ACOXL: variants seen among roughly 807,000 people sequenced by gnomAD.
ACOXL encodes acyl-CoA oxidase like, also known as acyl-coenzyme A oxidase-like protein.
Under a neutral mutation model 71.9 loss-of-function variants are expected in ACOXL, and 70 were observed. That is an observed-to-expected ratio of 0.97 (90% CI 0.80 to 1.19). The LOEUF (loss-of-function observed/expected upper bound fraction) is 1.19. Among genes scored for constraint, ACOXL ranks in the 50% most tolerant of loss-of-function variants. The pLI, the probability that ACOXL is intolerant of heterozygous loss-of-function variation, is 0.00. For synonymous variants in ACOXL, 253 were observed against 281.6 expected (o/e 0.90, Z 1.02); for missense variants, 703 against 736.3 (o/e 0.95, Z 0.52).
chr2:110,963,003 A>G (rs2061762611), intron 12 of ACOXL, among the ~76,000 whole-genome samples: 1 of 152,244 alleles, frequency 6.6e-6, no homozygotes, highest in African/African-American at 2.4e-5. Context: ...ACTTGGGGCC[A>G]AACTTACTTT....
At chr2:111,078,575 T>C (rs2067728253) in intron 16 of ACOXL, among the ~76,000 whole-genome samples, 1 of 152,234 alleles carries the variant, frequency 6.6e-6, no homozygotes. Context: ...GTATTTTCTA[T>C]TTCTTTACTG....
At chr2:110,760,084 G>T (rs2104895898) in intron 1 of ACOXL, among the ~76,000 whole-genome samples, 1 of 150,740 alleles carries the variant, frequency 6.6e-6, no homozygotes, top group African/African-American at 2.4e-5. Flanking sequence ...GTTGTTAGTT[G>T]ATTGTCTTGG....
chr2:110,921,623 G>A (rs1404903387), intron 11 of ACOXL, among the ~76,000 whole-genome samples: 1 of 151,848 alleles, frequency 6.6e-6, no homozygotes, highest in Non-Finnish European at 1.5e-5. Context: ...TCAATCTCCT[G>A]ACCTCGTGAT....
At chr2:111,018,587 T>C (rs1328413512) in intron 14 of ACOXL, among the ~76,000 whole-genome samples, 1 of 152,014 alleles carries the variant, frequency 6.6e-6, no homozygotes, top group Non-Finnish European at 1.5e-5. Flanking sequence ...CCTGATCACA[T>C]GGGAGTTCTA....
Position 110,801,696 on chromosome 2 carries a change from C to T in ACOXL, c.592C>T (p.Arg198Trp), listed in dbSNP as rs999935777. The T allele has an allele frequency of 6.2e-6, 10 of 1,613,972 alleles. No homozygotes were observed. The highest frequency in any genetic ancestry group is 5.3e-5 in the African/African-American group (4 of 74,906). ...TGGGATATTAATATTTGACAAGGTT[C>T]GGATACCCAGGGAGAACCTGCTGGA... ...DNGILIFDKV[R>W]IPRENLLDKF... The change falls in exon 8 of 18, where the codon CGG becomes TGG. Residue 198 changes from arginine (R) to tryptophan (W), a missense_variant. Transcript: ENST00000439055.
chr2:110,789,173 G>A (rs1230892358), intron 3 of ACOXL, among the ~76,000 whole-genome samples: 1 of 152,098 alleles, frequency 6.6e-6, no homozygotes, highest in East Asian at 1.9e-4. Context: ...GACAGGGGTG[G>A]GCATATTAGC....
chr2:111,089,661 T>C (rs1291008396), intron 16 of ACOXL, among the ~76,000 whole-genome samples: 1 of 152,146 alleles, frequency 6.6e-6, no homozygotes, highest in Non-Finnish European at 1.5e-5. Flanking sequence ...TTGAAAATAG[T>C]TTATGGGGGG....
chr2:111,086,497 G>A (rs1326364070), intron 16 of ACOXL, among the ~76,000 whole-genome samples: 7 of 151,878 alleles, frequency 4.6e-5, no homozygotes, highest in South Asian at 4.2e-4. Context: ...GATGAAATTC[G>A]ATAGATAGAT....
intron 11 of ACOXL, among the ~76,000 whole-genome samples, chr2:110,921,090 A>T (rs2060049540): frequency 6.6e-6 from 1 of 152,036 alleles, no homozygotes; most frequent in Non-Finnish European, 1.5e-5. Flanking sequence ...ATTTATGGCG[A>T]TAGTGTTGGT....
chr2:111,045,738 T>C (rs1487263171), intron 15 of ACOXL, among the ~76,000 whole-genome samples: 1 of 152,116 alleles, frequency 6.6e-6, no homozygotes, highest in Non-Finnish European at 1.5e-5. Flanking sequence ...CACTGACATC[T>C]GGGGTGAGGG....
At chr2:111,022,356 A>G (rs2064804569) in intron 14 of ACOXL, among the ~76,000 whole-genome samples, 1 of 151,976 alleles carries the variant, frequency 6.6e-6, no homozygotes, top group East Asian at 1.9e-4. Flanking sequence ...CAAGAGCGAA[A>G]CTCCATATCA....
chr2:111,101,972 C>T (rs1341948970), intron 17 of ACOXL: 1 of 152,640 alleles, frequency 6.6e-6, no homozygotes, highest in African/African-American at 2.4e-5. Flanking sequence ...TTTAACCTAG[C>T]TTCACATCTG....
intron 9 of ACOXL, among the ~76,000 whole-genome samples, chr2:110,838,559 C>T (rs1008713541): frequency 6.6e-5 from 10 of 152,168 alleles, no homozygotes; most frequent in African/African-American, 2.4e-4. Context: ...ACAGAAACCC[C>T]AGAGACTCTT....
At position 110,888,298 on chromosome 2, in the gene ACOXL, G is replaced by A. The variant is rs1331383117; in HGVS notation, c.789-20491G>A. 3.3e-5 allele frequency among the ~76,000 whole-genome samples: 5 copies of A among 152,184 alleles called. No individual in the cohort carries two copies. In the South Asian group the frequency reaches 1.0e-3, roughly 32 times the overall value. On this transcript the variant is annotated intron_variant, in intron 10 of 17. Coordinates refer to ENST00000439055, the MANE Select transcript of ACOXL (RefSeq NM_001142807.4). The stretch of plus-strand genomic sequence containing the variant: ...ACCTAGGCTTGTCCTGGGACTTCAT[G>A]CAAATGATTTGGCTTTACTGGGACT...
At chr2:110,838,007 G>A (rs1307440462) in intron 9 of ACOXL, among the ~76,000 whole-genome samples, 1 of 152,166 alleles carries the variant, frequency 6.6e-6, no homozygotes, top group East Asian at 1.9e-4. Context: ...CAACAAAGGG[G>A]TCAATTGTCT....
intron 9 of ACOXL, among the ~76,000 whole-genome samples, chr2:110,839,229 T>C (rs931868575): frequency 1.3e-5 from 2 of 152,144 alleles, no homozygotes; most frequent in Non-Finnish European, 2.9e-5. Flanking sequence ...AATTAAACTG[T>C]ACTCCAAAGC....
intron 2 of ACOXL, among the ~76,000 whole-genome samples, chr2:110,772,087 T>G (rs1364910821): frequency 6.6e-6 from 1 of 152,236 alleles, no homozygotes. Context: ...CATTCAGTAT[T>G]CACAACATCC....
chr2:110,787,657 C>T (rs1332223654), intron 3 of ACOXL, among the ~76,000 whole-genome samples: 2 of 152,142 alleles, frequency 1.3e-5, no homozygotes, highest in African/African-American at 4.8e-5. Flanking sequence ...TTGATGTTGC[C>T]CATGGGTCCT....
At chr2:111,108,371 CTTTT>C (rs1225889982) in intron 17 of ACOXL, among the ~76,000 whole-genome samples, 12 of 71,056 alleles carry the variant, frequency 1.7e-4, no homozygotes, top group African/African-American at 5.4e-4. Context: ...GTGCATGAAT[CTTTT>C]TTTTTTTTTT....
Sources: gnomAD v4.1 joint callset for allele counts (sites outside exome capture counted in the v4.1 genomes callset) on GRCh38, gnomAD v4.1.1 for gene constraint, MANE v1.5 for transcripts, NCBI Gene and HGNC (gene_info 2026-07-23, HGNC 2026-07-21) for gene names.